The following SYNPO2 variants were observed in gnomAD, a reference collection of about 807,000 sequenced individuals.
SYNPO2 encodes the protein synaptopodin 2, also known as synaptopodin-2.
A neutral mutation model predicts 85.0 loss-of-function variants in SYNPO2; 56 were observed. The observed-to-expected ratio is 0.66, with a 90% CI of 0.53 to 0.82. SYNPO2 has a LOEUF of 0.82. Ranked by LOEUF, SYNPO2 falls within the 40% of genes least tolerant of loss-of-function variation. The probability of loss-of-function intolerance (pLI) is 0.00; values close to 1 mark genes in which losing one functional copy is unlikely to be tolerated. For synonymous variants in SYNPO2, 602 were observed against 591.1 expected (o/e 1.02, Z -0.27); for missense variants, 1,575 against 1,534.2 (o/e 1.03, Z -0.44).
chr4:118,865,570 C>G (rs1347943946), intron 1 of SYNPO2, among the ~76,000 whole-genome samples: 2 of 152,146 alleles, frequency 1.3e-5, no homozygotes, highest in African/African-American at 4.8e-5. Context: ...AGGGTTATGA[C>G]TGAAGAAAGA....
chr4:118,919,852 G>C (rs1018130055), intron 1 of SYNPO2, among the ~76,000 whole-genome samples: 2 of 152,228 alleles, frequency 1.3e-5, no homozygotes, highest in African/African-American at 4.8e-5. Context: ...CAGCAAACAA[G>C]ATGTAGTGGA....
chr4:118,994,222 T>A (rs143387069), intron 1 of SYNPO2, among the ~76,000 whole-genome samples: 5 of 152,312 alleles, frequency 3.3e-5, no homozygotes, highest in Non-Finnish European at 5.9e-5. Flanking sequence ...TTCACCAATT[T>A]TAGCAGAAAA....
At chr4:118,981,448 C>T (rs574907384) in intron 1 of SYNPO2, among the ~76,000 whole-genome samples, 1 of 152,246 alleles carries the variant, frequency 6.6e-6, no homozygotes, top group South Asian at 2.1e-4. Context: ...ATGTCAATAC[C>T]CTCCTCCGTG....
rs1560972180 is a variant in SYNPO2 at position 119,007,249 on chromosome 4, TATAC to T, written c.106-16177_106-16174del. ...ATATATATATATATATATATATGTA[TATAC>T]ATATATATATATATATATATATGTA... On this transcript the variant is annotated intron_variant, in intron 1 of 4. Coordinates refer to ENST00000307142, the MANE Select transcript of SYNPO2 (RefSeq NM_133477.3). 9.8e-4 allele frequency among the ~76,000 whole-genome samples: 26 copies of T among 26,470 alleles called. 2 individuals carry two copies. The highest frequency in any genetic ancestry group is 2.1e-3 in the Non-Finnish European group (21 of 10,004). The allele number at this position is 26,470 out of a possible 152,430, so 17.4% of individuals were successfully genotyped here. A position where few individuals can be genotyped will look rare whatever the true frequency, so the allele number is the denominator to read the frequency against.
chr4:119,035,493 T>G (rs947224787), intron 4 of SYNPO2: 14 of 985,302 alleles, frequency 1.4e-5, no homozygotes, highest in Non-Finnish European at 1.6e-5. Context: ...GCATACCTTG[T>G]TAGGAACGTG....
chr4:118,899,998 G>A (rs1287273530), intron 1 of SYNPO2, among the ~76,000 whole-genome samples: 1 of 152,084 alleles, frequency 6.6e-6, no homozygotes, highest in Non-Finnish European at 1.5e-5. Flanking sequence ...CTGACTTTAG[G>A]GGATCCACCC....
intron 1 of SYNPO2, among the ~76,000 whole-genome samples, chr4:118,927,548 C>T (rs1032433612): frequency 6.6e-6 from 1 of 152,058 alleles, no homozygotes; most frequent in African/African-American, 2.4e-5. Flanking sequence ...ATGCTGTTTC[C>T]CAGGGCTTTC....
At chr4:118,908,944 AAAT>A (rs1733041390) in intron 1 of SYNPO2, among the ~76,000 whole-genome samples, 1 of 152,194 alleles carries the variant, frequency 6.6e-6, no homozygotes, top group South Asian at 2.1e-4. Context: ...AAAAGGAACT[AAAT>A]AATGTGTTTT....
At chr4:119,048,273 G>A (rs941996804) in intron 4 of SYNPO2, among the ~76,000 whole-genome samples, 1 of 152,210 alleles carries the variant, frequency 6.6e-6, no homozygotes, top group Admixed American at 6.5e-5. Flanking sequence ...TGATGTGTGA[G>A]AGGGGCTACA....
At chr4:119,035,346 G>T (rs920028921) in intron 4 of SYNPO2, 2 of 985,328 alleles carry the variant, frequency 2.0e-6, no homozygotes, top group African/African-American at 3.5e-5. Context: ...AGTCTTCTAG[G>T]AGGGCAGAGT....
intron 1 of SYNPO2, among the ~76,000 whole-genome samples, chr4:118,914,651 T>C (rs1046961020): frequency 2.6e-5 from 4 of 152,046 alleles, no homozygotes; most frequent in African/African-American, 4.8e-5. Context: ...AATAGTTGGC[T>C]GAGAAATGAG....
intron 1 of SYNPO2, among the ~76,000 whole-genome samples, chr4:118,864,528 A>C (rs958226468): frequency 2.0e-5 from 3 of 152,224 alleles, no homozygotes; most frequent in African/African-American, 7.2e-5. Context: ...TCTGATGCTG[A>C]AAGTAGGGTG....
intron 1 of SYNPO2, among the ~76,000 whole-genome samples, chr4:118,889,769 G>T: frequency 6.6e-6 from 1 of 152,124 alleles, no homozygotes; most frequent in East Asian, 1.9e-4. Context: ...AATAAACTTA[G>T]AAGATAATCT....
intron 1 of SYNPO2, among the ~76,000 whole-genome samples, chr4:118,852,995 T>C (rs1039617444): frequency 6.6e-5 from 10 of 152,232 alleles, no homozygotes; most frequent in African/African-American, 2.4e-4. Context: ...TAAGAAATTG[T>C]CAAGCTCACA....
chr4:118,922,251 T>C (rs1733565887), intron 1 of SYNPO2, among the ~76,000 whole-genome samples: 1 of 152,110 alleles, frequency 6.6e-6, no homozygotes, highest in Admixed American at 6.6e-5. Flanking sequence ...TTTTTAATTA[T>C]CGATTCGAAT....
At chr4:118,852,403 T>C (rs1731435560) in intron 1 of SYNPO2, among the ~76,000 whole-genome samples, 1 of 152,116 alleles carries the variant, frequency 6.6e-6, no homozygotes. Context: ...CATTCTATCA[T>C]AAAGAAACAC....
intron 1 of SYNPO2, among the ~76,000 whole-genome samples, chr4:119,007,447 T>G (rs1248374917): frequency 6.6e-6 from 1 of 150,746 alleles, no homozygotes; most frequent in Non-Finnish European, 1.5e-5. Flanking sequence ...ATCGGATAGT[T>G]TGACTTTAAA....
intron 4 of SYNPO2, among the ~76,000 whole-genome samples, chr4:119,038,670 G>C (rs1450024422): frequency 2.0e-5 from 3 of 152,240 alleles, no homozygotes; most frequent in East Asian, 3.9e-4. Context: ...ACAGAATAAC[G>C]CTGAGGGAGT....
intron 4 of SYNPO2, among the ~76,000 whole-genome samples, chr4:119,041,234 G>C (rs1379611812): frequency 6.6e-6 from 1 of 152,196 alleles, no homozygotes; most frequent in African/African-American, 2.4e-5. Flanking sequence ...CAATTGAATT[G>C]ATTTAGTCTT....
Sources: gnomAD v4.1 joint callset for allele counts (sites outside exome capture counted in the v4.1 genomes callset) on GRCh38, gnomAD v4.1.1 for gene constraint, MANE v1.5 for transcripts, NCBI Gene and HGNC (gene_info 2026-07-23, HGNC 2026-07-21) for gene names.